The following SPATA16 variants were observed in gnomAD, a reference collection of about 807,000 sequenced individuals.
The protein encoded by SPATA16 is spermatogenesis-associated protein 16.
Under a neutral mutation model 63.3 loss-of-function variants are expected in SPATA16, and 36 were observed. The observed-to-expected ratio is 0.57, with a 90% CI of 0.44 to 0.75. The LOEUF (loss-of-function observed/expected upper bound fraction) is 0.75. Ranked by LOEUF, SPATA16 falls within the 30% of genes least tolerant of loss-of-function variation. SPATA16 has a pLI of 0.00. For synonymous variants in SPATA16, 203 were observed against 216.7 expected, an observed-to-expected ratio of 0.94 and a Z score of 0.56; for missense variants, 646 against 679.3, an observed-to-expected ratio of 0.95 and a Z score of 0.54.
chr3:173,019,671 A>C, intron 3 of SPATA16, 96 bp from the exon 4 acceptor site: 1 of 1,137,368 alleles, frequency 8.8e-7, no homozygotes, highest in Non-Finnish European at 1.3e-6. Context: ...TCAATTTTAT[A>C]TACTATGTGT....
At chr3:173,115,477 C>T (rs116811295) in intron 2 of SPATA16, among the ~76,000 whole-genome samples, 1,691 of 152,252 alleles carry the variant, frequency 0.011, 30 homozygotes, top group African/African-American at 0.038. Context: ...AGCTTTAGCT[C>T]AAAAGACTGT....
chr3:172,972,842 G>A (rs1277239007), intron 5 of SPATA16, among the ~76,000 whole-genome samples: 1 of 152,206 alleles, frequency 6.6e-6, no homozygotes, highest in Non-Finnish European at 1.5e-5. Flanking sequence ...GTCACTTTTT[G>A]TTCAGACAGC....
chr3:173,064,466 A>G (rs565023143), intron 2 of SPATA16, among the ~76,000 whole-genome samples: 5 of 152,244 alleles, frequency 3.3e-5, no homozygotes, highest in African/African-American at 1.2e-4. Flanking sequence ...CTCCCTGTAC[A>G]TTATTTAGCA....
At chr3:173,074,858 C>A (rs2108309451) in intron 2 of SPATA16, among the ~76,000 whole-genome samples, 1 of 151,846 alleles carries the variant, frequency 6.6e-6, no homozygotes, top group Non-Finnish European at 1.5e-5. Flanking sequence ...ATTAGCCGGG[C>A]ATAGTGGCGT....
chr3:172,908,190 T>C (rs1045411947), intron 10 of SPATA16, among the ~76,000 whole-genome samples: 2 of 152,170 alleles, frequency 1.3e-5, no homozygotes, highest in Non-Finnish European at 2.9e-5. Context: ...ACAGGATTTG[T>C]GGGATGTTCA....
At chr3:173,127,360 T>A (rs1738251813) in intron 1 of SPATA16, among the ~76,000 whole-genome samples, 1 of 152,228 alleles carries the variant, frequency 6.6e-6, no homozygotes, top group Admixed American at 6.5e-5. Context: ...AAATCCAGGA[T>A]GTTAACATTG....
At chr3:172,978,746 T>G (rs545301141) in intron 4 of SPATA16, among the ~76,000 whole-genome samples, 1 of 152,304 alleles carries the variant, frequency 6.6e-6, no homozygotes, top group Admixed American at 6.5e-5. Flanking sequence ...CTATTTTAAG[T>G]TTTGTGGGCC....
chr3:172,933,624 CAG>C (rs1732918303), intron 6 of SPATA16, among the ~76,000 whole-genome samples: 1 of 152,172 alleles, frequency 6.6e-6, no homozygotes, highest in Non-Finnish European at 1.5e-5. Flanking sequence ...ACTGTGGAAA[CAG>C]AGTGGTGAGA....
At chr3:172,963,934 C>T (rs907916974) in intron 5 of SPATA16, among the ~76,000 whole-genome samples, 7 of 152,140 alleles carry the variant, frequency 4.6e-5, no homozygotes, top group African/African-American at 1.7e-4. Context: ...ATTGTAAATT[C>T]TCGGAAGTAT....
At position 173,097,644 on chromosome 3, in the gene SPATA16, G is replaced by A. The variant is rs192983933; in HGVS notation, c.612+19476C>T. 3.3e-5 allele frequency among the ~76,000 whole-genome samples: 5 copies of A among 152,222 alleles called. No homozygotes were observed. In the East Asian group the frequency reaches 9.7e-4, roughly 29 times the overall value. ...AAGCATTGACAAAGACTTTAGCAAG[G>A]GATTTCCTGAAATGAATGACACCAA... On this transcript the variant is annotated intron_variant, in intron 2 of 10. Coordinates refer to ENST00000351008, the MANE Select transcript of SPATA16 (RefSeq NM_031955.6).
At chr3:173,113,293 T>C (rs1737798311) in intron 2 of SPATA16, among the ~76,000 whole-genome samples, 1 of 152,238 alleles carries the variant, frequency 6.6e-6, no homozygotes, top group African/African-American at 2.4e-5. Flanking sequence ...ATCTTCAGCT[T>C]ACACCTTTTG....
At chr3:173,048,332 A>G (rs934279477) in intron 3 of SPATA16, among the ~76,000 whole-genome samples, 1 of 152,090 alleles carries the variant, frequency 6.6e-6, no homozygotes, top group Non-Finnish European at 1.5e-5. Flanking sequence ...GACCCCTAAA[A>G]CATAAAATAC....
At chr3:172,950,756 A>T (rs557380968) in intron 6 of SPATA16, among the ~76,000 whole-genome samples, 20 of 152,286 alleles carry the variant, frequency 1.3e-4, no homozygotes, top group Admixed American at 5.9e-4. Context: ...TATATTATTT[A>T]TGCGAACATA....
intron 3 of SPATA16, among the ~76,000 whole-genome samples, chr3:173,035,334 T>C (rs1735693932): frequency 6.6e-6 from 1 of 152,110 alleles, no homozygotes; most frequent in Non-Finnish European, 1.5e-5. Flanking sequence ...AGGGCTAATC[T>C]GGAAAGAAAT....
chr3:173,118,955 C>T (rs1489474589), intron 1 of SPATA16, among the ~76,000 whole-genome samples: 6 of 152,106 alleles, frequency 3.9e-5, no homozygotes, highest in East Asian at 1.9e-4. Flanking sequence ...GGTCAGTGTC[C>T]GACTCAAGAT....
intron 4 of SPATA16, among the ~76,000 whole-genome samples, chr3:172,988,040 A>G (rs549430769): frequency 3.3e-5 from 5 of 152,280 alleles, no homozygotes; most frequent in African/African-American, 1.2e-4. Context: ...TCAGATGCCT[A>G]TTTCTCAAGA....
At chr3:172,961,114 C>CTTCT (rs1733772815) in intron 5 of SPATA16, among the ~76,000 whole-genome samples, 2 of 143,626 alleles carry the variant, frequency 1.4e-5, no homozygotes, top group South Asian at 2.2e-4. Flanking sequence ...TCCTTCCTTC[C>CTTCT]TTCCTTCCTT....
intron 1 of SPATA16, among the ~76,000 whole-genome samples, chr3:173,135,431 G>A (rs893570994): frequency 6.6e-5 from 10 of 152,138 alleles, no homozygotes; most frequent in Admixed American, 1.3e-4. Context: ...TCCTGTACTG[G>A]CAGATTTTTT....
At chr3:173,055,863 T>C (rs1736210443) in intron 2 of SPATA16, among the ~76,000 whole-genome samples, 1 of 152,224 alleles carries the variant, frequency 6.6e-6, no homozygotes, top group African/African-American at 2.4e-5. Context: ...GAGATCTCTC[T>C]GTATTACAAC....
Sources: allele counts gnomAD v4.1 joint callset (sites outside exome capture counted in the v4.1 genomes callset), GRCh38; gene constraint gnomAD v4.1.1; transcripts MANE v1.5; gene names NCBI Gene and HGNC (gene_info 2026-07-23, HGNC 2026-07-21).